The following ELP1 variants were observed in gnomAD, a reference collection of about 807,000 sequenced individuals.
ELP1 encodes elongator complex protein 1.
In ELP1, 131 loss-of-function variants were observed where a neutral mutation model predicts 183.2. The ratio of observed to expected loss-of-function variants is 0.72; its 90% confidence interval spans 0.62 to 0.83. The LOEUF is 0.83. Ranked by LOEUF, ELP1 falls within the 40% of genes least tolerant of loss-of-function variation. The probability of loss-of-function intolerance (pLI) is 0.00; values close to 1 mark genes in which losing one functional copy is unlikely to be tolerated. For synonymous variants in ELP1, 555 were observed against 569.0 expected (o/e 0.98, Z 0.35); for missense variants, 1,550 against 1,594.9 (o/e 0.97, Z 0.48).
chr9:108,878,755 T>G lies in ELP1; in HGVS notation c.3573-5A>C, dbSNP rs1162554844. The G allele has an allele frequency of 6.2e-7, 1 of 1,613,876 alleles. No homozygotes were observed. The highest frequency in any genetic ancestry group is 2.2e-5 in the East Asian group (1 of 44,880). ...CGGCGATTCTTGGATGATCTCCTGT[T>G]AGAAATTACACAGATATTTTTAAGC... On this transcript the variant is annotated splice_region_variant and splice_polypyrimidine_tract_variant and intron_variant, in intron 33 of 36. Transcript: ENST00000374647.
At chr9:108,904,053 GT>G (rs1828924389) in intron 14 of ELP1, among the ~76,000 whole-genome samples, 1 of 152,098 alleles carries the variant, frequency 6.6e-6, no homozygotes. Flanking sequence ...GACATGGATG[GT>G]ACCAATATCA....
At chr9:108,881,841 G>T in intron 30 of ELP1, 76 bp from the exon 31 acceptor site, 1 of 928,144 alleles carries the variant, frequency 1.1e-6, no homozygotes. Context: ...AGAAAGACAT[G>T]GATTACTTTC....
At chr9:108,892,867 A>T in intron 27 of ELP1, 119 bp downstream of exon 27, 1 of 756,522 alleles carries the variant, frequency 1.3e-6, no homozygotes. Context: ...AATTGAGGCT[A>T]ATTAGTTTTA....
intron 11 of ELP1, 144 bp downstream of exon 11, chr9:108,912,120 T>C (rs1829246915): frequency 1.4e-6 from 1 of 721,928 alleles, no homozygotes; most frequent in Non-Finnish European, 2.5e-6. Context: ...TACCCCACCT[T>C]ATATCCCATT....
chr9:108,884,070 A>G (rs1828031183), intron 29 of ELP1, among the ~76,000 whole-genome samples: 1 of 152,056 alleles, frequency 6.6e-6, no homozygotes, highest in Non-Finnish European at 1.5e-5. Flanking sequence ...ACATTCAGCT[A>G]GATTAAAAGT....
chr9:108,913,539 C>T (rs1376919977), intron 10 of ELP1, among the ~76,000 whole-genome samples: 1 of 152,110 alleles, frequency 6.6e-6, no homozygotes, highest in African/African-American at 2.4e-5. Context: ...CAAACATAAC[C>T]TAGTCTCAAA....
At chr9:108,886,627 T>A (rs1390073360) in intron 29 of ELP1, among the ~76,000 whole-genome samples, 1 of 152,002 alleles carries the variant, frequency 6.6e-6, no homozygotes. Context: ...TGATACAAAC[T>A]CTCAGAACAA....
At chr9:108,913,181 G>C (rs118118271) in intron 10 of ELP1, among the ~76,000 whole-genome samples, 1 of 152,174 alleles carries the variant, frequency 6.6e-6, no homozygotes, top group South Asian at 2.1e-4. Flanking sequence ...TTGGCAATTA[G>C]AGTAAAAGTA....
At position 108,901,638 on chromosome 9, in the gene ELP1, T is replaced by C. The variant is rs1214674980; in HGVS notation, c.1898A>G (p.Asn633Ser). ...ACCAAGCCTTGATACCTCAATGTCA[T>C]TGATGAAAAAGCGACACCTGTCAGT... ...GLTDRCRFFI[N>S]DIEVASNITS... is the part of the protein sequence containing the mutation. Residue 633 changes from asparagine to serine, a missense_variant, in exon 17 of 37, where the codon AAT becomes AGT. Asn to Ser is a conservative substitution (Grantham distance 46). Transcript: ENST00000374647. 9.9e-6 allele frequency: 16 copies of C among 1,614,096 alleles called. No homozygotes were observed. Among genetic ancestry groups the C allele is most frequent in the Non-Finnish European group, 1.4e-5 (16 of 1,180,032 alleles).
intron 11 of ELP1, 133 bp downstream of exon 11, chr9:108,912,131 C>T: frequency 4.0e-6 from 3 of 747,142 alleles, no homozygotes; most frequent in Middle Eastern, 3.5e-4. Flanking sequence ...ATATCCCATT[C>T]AATAAAAAAA....
chr9:108,929,485 C>T (rs1829927494), intron 3 of ELP1, among the ~76,000 whole-genome samples: 1 of 152,204 alleles, frequency 6.6e-6, no homozygotes, highest in South Asian at 2.1e-4. Context: ...GTGATCTACA[C>T]CACATAAGAA....
At chr9:108,911,889 C>T (rs1197403969) in intron 11 of ELP1, among the ~76,000 whole-genome samples, 1 of 152,126 alleles carries the variant, frequency 6.6e-6, no homozygotes, top group Non-Finnish European at 1.5e-5. Context: ...CAAAGCAACA[C>T]AAGTGGGGTG....
Position 108,906,403 on chromosome 9 carries a change from G to A in ELP1, c.1543C>T (p.Leu515=), listed in dbSNP as rs1193566565. 7 of 1,614,080 alleles carry A rather than the reference G, an allele frequency of 4.3e-6. No homozygotes were observed. In the South Asian group the frequency reaches 6.6e-5, roughly 15 times the overall value. Residue 515 remains leucine, a synonymous_variant, in exon 14 of 37, where the codon CTG becomes TTG. Coordinates refer to ENST00000374647, the MANE Select transcript of ELP1 (RefSeq NM_003640.5). ...LLTWIEEDVF[L]AVSHSEFSPR... is the part of the protein sequence containing the mutation. ...CTGAACTCACTGTGGCTTACAGCCAGGAAGACGTCTTCTTCAATCCAAGTG... is the reference window on the plus strand; with the variant it reads ...CTGAACTCACTGTGGCTTACAGCCAAGAAGACGTCTTCTTCAATCCAAGTG...
chr9:108,889,031 T>C (rs980344040), intron 29 of ELP1, among the ~76,000 whole-genome samples: 6 of 152,226 alleles, frequency 3.9e-5, no homozygotes, highest in Non-Finnish European at 5.9e-5. Flanking sequence ...TCATTGTTTC[T>C]ACTTTGGCAA....
intron 14 of ELP1, among the ~76,000 whole-genome samples, chr9:108,905,783 G>T (rs1246755469): frequency 6.6e-6 from 1 of 151,824 alleles, no homozygotes; most frequent in Non-Finnish European, 1.5e-5. Context: ...TACAAACCTG[G>T]ACAGCATGTT....
chr9:108,911,273 G>A, intron 11 of ELP1, 93 bp from the exon 12 acceptor site: 1 of 1,177,654 alleles, frequency 8.5e-7, no homozygotes, highest in Admixed American at 2.0e-5. Context: ...AAACAATAAT[G>A]GCAATTCACA....
At chr9:108,882,254 C>A in intron 29 of ELP1, 67 bp from the exon 30 acceptor site, 4 of 1,366,314 alleles carry the variant, frequency 2.9e-6, no homozygotes, top group Non-Finnish European at 4.1e-6. Flanking sequence ...CAGCCAACTA[C>A]AAAACTAACC....
chr9:108,887,409 AT>A (rs1360924726), intron 29 of ELP1, among the ~76,000 whole-genome samples: 2 of 152,164 alleles, frequency 1.3e-5, no homozygotes, highest in Non-Finnish European at 2.9e-5. Flanking sequence ...ATAAAACTAT[AT>A]TTATAGAAAC....
intron 10 of ELP1, among the ~76,000 whole-genome samples, chr9:108,914,558 T>C (rs1269652009): frequency 2.0e-5 from 3 of 152,166 alleles, no homozygotes; most frequent in African/African-American, 7.2e-5. Context: ...CAGCATGAGA[T>C]TTAATGAACG....
Sources: allele counts gnomAD v4.1 joint callset (sites outside exome capture counted in the v4.1 genomes callset), GRCh38; gene constraint gnomAD v4.1.1; transcripts MANE v1.5; gene names NCBI Gene and HGNC (gene_info 2026-07-23, HGNC 2026-07-21).